The following LINC00305 variants were observed in gnomAD, a reference collection of about 807,000 sequenced individuals.
LINC00305 encodes long intergenic non-protein coding RNA 305.
chr18:64,099,736 G>A (rs1390082021), intron 1 of LINC00305, among the ~76,000 whole-genome samples: 1 of 152,102 alleles, frequency 6.6e-6, no homozygotes, highest in South Asian at 2.1e-4. Context: ...TAGGTACTGG[G>A]ATCCTCGTTT....
intron 1 of LINC00305, among the ~76,000 whole-genome samples, chr18:64,118,533 A>G (rs1204618927): frequency 2.0e-5 from 3 of 152,142 alleles, no homozygotes; most frequent in South Asian, 2.1e-4. Context: ...CCAAGACTTT[A>G]ATAGGACATA....
At chr18:64,121,392 C>T (rs2051361491) in intron 1 of LINC00305, among the ~76,000 whole-genome samples, 1 of 152,030 alleles carries the variant, frequency 6.6e-6, no homozygotes, top group Non-Finnish European at 1.5e-5. Flanking sequence ...TGACACTCTA[C>T]ACCTTTGTGT....
chr18:64,100,943 G>T (rs1017514146), intron 1 of LINC00305, among the ~76,000 whole-genome samples: 2 of 152,132 alleles, frequency 1.3e-5, no homozygotes, highest in Non-Finnish European at 2.9e-5. Flanking sequence ...CAGGGTGCTT[G>T]CTTTCCAGAG....
At chr18:64,121,370 T>C (rs1173356441) in intron 1 of LINC00305, among the ~76,000 whole-genome samples, 3 of 152,010 alleles carry the variant, frequency 2.0e-5, no homozygotes, top group Admixed American at 6.6e-5. Context: ...TGAGTCTTCA[T>C]TGTCCATCAT....
At chr18:64,127,184 T>G (rs2051389180) in intron 1 of LINC00305, among the ~76,000 whole-genome samples, 1 of 152,100 alleles carries the variant, frequency 6.6e-6, no homozygotes, top group South Asian at 2.1e-4. Context: ...CTCCCTCATC[T>G]CAATATTTAG....
At chr18:64,099,366 C>G (rs550031905) in intron 1 of LINC00305, among the ~76,000 whole-genome samples, 20 of 152,174 alleles carry the variant, frequency 1.3e-4, no homozygotes, top group African/African-American at 4.1e-4. Context: ...GAGGCACAAT[C>G]GTAGAAACTC....
At chr18:64,141,617 G>T (rs1245367958) in intron 1 of LINC00305, among the ~76,000 whole-genome samples, 1 of 152,104 alleles carries the variant, frequency 6.6e-6, no homozygotes, top group Non-Finnish European at 1.5e-5. Flanking sequence ...GAATGGTAAA[G>T]AAACAAAAAG....
chr18:64,145,968 AG>A (rs765895450), intron 1 of LINC00305, among the ~76,000 whole-genome samples: 2 of 152,346 alleles, frequency 1.3e-5, no homozygotes, highest in East Asian at 3.9e-4. Context: ...CAAAGCTGTT[AG>A]AAAAATGTGG....
At chr18:64,132,925 AG>A (rs917796258) in intron 1 of LINC00305, among the ~76,000 whole-genome samples, 4 of 152,176 alleles carry the variant, frequency 2.6e-5, no homozygotes, top group Non-Finnish European at 5.9e-5. Context: ...GGAAAGATGG[AG>A]GGCCTGGCTG....
chr18:64,092,716 C>T (rs1227386671), intron 3 of LINC00305, among the ~76,000 whole-genome samples: 1 of 152,150 alleles, frequency 6.6e-6, no homozygotes, highest in African/African-American at 2.4e-5. Context: ...TGAATTTTCT[C>T]CTCTCACGTG....
chr18:64,146,017 G>T (rs554891989), intron 1 of LINC00305, among the ~76,000 whole-genome samples: 1 of 152,078 alleles, frequency 6.6e-6, no homozygotes, highest in East Asian at 1.9e-4. Flanking sequence ...GAAAAAAAGT[G>T]AAATATTAAT....
chr18:64,100,052 A>T (rs1020962837), intron 1 of LINC00305, among the ~76,000 whole-genome samples: 9 of 152,208 alleles, frequency 5.9e-5, no homozygotes, highest in Admixed American at 5.9e-4. Flanking sequence ...GACATAGCAC[A>T]TATATTTTTA....
intron 3 of LINC00305, among the ~76,000 whole-genome samples, chr18:64,094,884 T>TAAATAAATAAATAAATAAATA (rs201820726): frequency 6.7e-6 from 1 of 148,508 alleles, no homozygotes; most frequent in Non-Finnish European, 1.5e-5. Flanking sequence ...AATAAATAAA[T>TAAATAAATAAATAAATAAATA]AATAAAATAA....
chr18:64,113,036 T>A (rs1204203957), intron 1 of LINC00305, among the ~76,000 whole-genome samples: 2 of 152,248 alleles, frequency 1.3e-5, no homozygotes, highest in Non-Finnish European at 2.9e-5. Context: ...ACAACTTTTC[T>A]AAGGTTATAC....
intron 3 of LINC00305, among the ~76,000 whole-genome samples, chr18:64,089,385 A>G (rs1357402078): frequency 1.3e-5 from 2 of 152,200 alleles, no homozygotes; most frequent in Non-Finnish European, 1.5e-5. Context: ...CTGTGAGTCA[A>G]TTAAGCCTCT....
intron 1 of LINC00305, among the ~76,000 whole-genome samples, chr18:64,109,412 G>C (rs1211926955): frequency 6.6e-6 from 1 of 152,202 alleles, no homozygotes; most frequent in Non-Finnish European, 1.5e-5. Context: ...TGTCTCATTA[G>C]TAGTAGAAAT....
At chr18:64,127,384 G>T (rs1391422824) in intron 1 of LINC00305, 1 of 152,052 alleles carries the variant, frequency 6.6e-6, no homozygotes, top group Non-Finnish European at 1.5e-5. Context: ...TTATCTTGCA[G>T]ATGAAACTCT....
intron 1 of LINC00305, among the ~76,000 whole-genome samples, chr18:64,144,966 C>T (rs2051490099): frequency 6.6e-6 from 1 of 152,084 alleles, no homozygotes; most frequent in African/African-American, 2.4e-5. Flanking sequence ...GGTCGCCTGT[C>T]CTTATGGATA....
chr18:64,118,140 A>G (rs1049622830), intron 1 of LINC00305, among the ~76,000 whole-genome samples: 1 of 152,152 alleles, frequency 6.6e-6, no homozygotes, highest in Non-Finnish European at 1.5e-5. Context: ...TGTCTCTGGT[A>G]TTTGTTTTGG....
Sources: gnomAD v4.1 joint callset for allele counts (sites outside exome capture counted in the v4.1 genomes callset) on GRCh38, gnomAD v4.1.1 for gene constraint, MANE v1.5 for transcripts, NCBI Gene and HGNC (gene_info 2026-07-23, HGNC 2026-07-21) for gene names.